ARHGEF26: variants seen among roughly 807,000 people sequenced by gnomAD.
ARHGEF26 encodes the protein Rho guanine nucleotide exchange factor 26.
In ARHGEF26, 59 loss-of-function variants were observed where a neutral mutation model predicts 89.4. That is an observed-to-expected ratio of 0.66 (90% confidence interval 0.54 to 0.82). The LOEUF is 0.82. Among genes scored for constraint, ARHGEF26 ranks in the 40% least tolerant of loss-of-function variants. The pLI, the probability that ARHGEF26 is intolerant of heterozygous loss-of-function variation, is 0.00. For synonymous variants in ARHGEF26, 500 were observed against 428.4 expected, an observed-to-expected ratio of 1.17 and a Z score of -2.06; for missense variants, 1,234 against 1,085.6, an observed-to-expected ratio of 1.14 and a Z score of -1.92.
chr3:154,203,686 C>T (rs2118240), intron 9 of ARHGEF26, among the ~76,000 whole-genome samples: 4,585 of 151,964 alleles, frequency 0.03, 405 homozygotes, highest in East Asian at 0.25. Context: ...GTTTTTAGCA[C>T]GAAGGGATGT....
In ARHGEF26 at chr3:154,238,326, A is replaced by G. The variant is rs536969408; in HGVS notation, c.2091-2044A>G. ...ACTTTGGAGATAATCGTGCCACACAATCTTTTAATTAATACAGATTACTAT... is the reference window on the plus strand; with the variant it reads ...ACTTTGGAGATAATCGTGCCACACAGTCTTTTAATTAATACAGATTACTAT... On this transcript the variant is annotated intron_variant, in intron 11 of 14. Coordinates refer to ENST00000465093, the MANE Select transcript of ARHGEF26 (RefSeq NM_015595.4). 7.8e-4 allele frequency among the ~76,000 whole-genome samples: 119 copies of G among 152,304 alleles called. 1 individual carries two copies. The highest frequency in any genetic ancestry group is 3.4e-3 in the Middle Eastern group (1 of 294).
chr3:154,127,783 A>G (rs1324277121), intron 3 of ARHGEF26, among the ~76,000 whole-genome samples: 2 of 141,294 alleles, frequency 1.4e-5, no homozygotes, highest in Non-Finnish European at 3.0e-5. Flanking sequence ...TTACACCAGC[A>G]TTACCATAGA....
intron 12 of ARHGEF26, among the ~76,000 whole-genome samples, chr3:154,247,627 A>C (rs1576827913): frequency 1.8e-5 from 2 of 114,124 alleles, no homozygotes; most frequent in South Asian, 6.0e-4. Context: ...GCTTTTCTCT[A>C]TCTGAGACAA....
chr3:154,203,719 C>G (rs1000947265), intron 9 of ARHGEF26, among the ~76,000 whole-genome samples: 11 of 151,952 alleles, frequency 7.2e-5, no homozygotes, highest in African/African-American at 2.7e-4. Flanking sequence ...AATGCTTTTT[C>G]TGCACAATTG....
chr3:154,135,709 C>A (rs148814176), intron 4 of ARHGEF26, among the ~76,000 whole-genome samples: 1 of 152,196 alleles, frequency 6.6e-6, no homozygotes, highest in Non-Finnish European at 1.5e-5. Flanking sequence ...AGGGATGGAA[C>A]ACTGTGTACT....
chr3:154,148,467 CCT>C (rs1389374528), intron 4 of ARHGEF26, among the ~76,000 whole-genome samples: 2 of 152,230 alleles, frequency 1.3e-5, no homozygotes, highest in African/African-American at 4.8e-5. Context: ...GTGGGTTTGC[CCT>C]CTCTTTTGAT....
At chr3:154,185,721 C>T (rs1713485076) in intron 6 of ARHGEF26, among the ~76,000 whole-genome samples, 1 of 152,148 alleles carries the variant, frequency 6.6e-6, no homozygotes, top group Non-Finnish European at 1.5e-5. Flanking sequence ...AAACTCTTCT[C>T]TTCTTATGAC....
Position 154,122,107 on chromosome 3 carries a change from TC to T in ARHGEF26, c.117del (p.Tyr40ThrfsTer8). Reference protein sequence around the residue: ...VLGRSKPRPQSYQSPNGLLIT... With the variant: ...VLGRSKPRPQXYQSPNGLLIT... ...GGGCCGGAGCAAGCCGAGGCCCCAG[TC>T]CTACCAGAGCCCCAACGGGTTACTA... On this transcript the variant is annotated frameshift_variant, in exon 2 of 15. Transcript: ENST00000465093. LOFTEE classifies it high-confidence loss of function. 2 of 1,610,522 alleles carry T rather than the reference TC, an allele frequency of 1.2e-6. No individual in the cohort carries two copies. Among genetic ancestry groups the T allele is most frequent in the Non-Finnish European group, 1.7e-6 (2 of 1,178,352 alleles).
Position 154,165,373 on chromosome 3 carries a change from G to A in ARHGEF26, c.1487+12441G>A, listed in dbSNP as rs996488074. 3.9e-5 allele frequency among the ~76,000 whole-genome samples: 6 copies of A among 152,182 alleles called. No individual in the cohort carries two copies. The East Asian group carries it at 5.8e-4, about 15-fold the overall frequency. ...ATTTTATTAATATTTCAGAGAGAGA[G>A]ACACTAAGTGATTTTCTGTTACTTA... On this transcript the variant is annotated intron_variant, in intron 6 of 14. Coordinates refer to ENST00000465093, the MANE Select transcript of ARHGEF26 (RefSeq NM_015595.4).
At chr3:154,183,973 C>CTTTT (rs145812193) in intron 6 of ARHGEF26, among the ~76,000 whole-genome samples, 1 of 131,112 alleles carries the variant, frequency 7.6e-6, no homozygotes, top group East Asian at 2.1e-4. Context: ...TTTCAATTTT[C>CTTTT]TTTCTTTTTT....
rs200722184 is a variant in ARHGEF26 at position 154,257,667 on chromosome 3, A to G, written c.*2194A>G. 1 of 1,896 alleles carries G rather than the reference A, an allele frequency of 5.3e-4. No homozygotes were observed. Among genetic ancestry groups the G allele is most frequent in the South Asian group, 0.071 (1 of 14 alleles). The allele number at this position is 1,896 out of a possible 1,614,324, so 0.1% of individuals were successfully genotyped here. ...TTGATTTCAACTGTGAATTGTCTTAAGTTTTTTCAAACCTAGTTGTTTCTA... is the reference window on the plus strand; with the variant it reads ...TTGATTTCAACTGTGAATTGTCTTAGGTTTTTTCAAACCTAGTTGTTTCTA... On this transcript the variant is annotated 3_prime_UTR_variant, in exon 15 of 15. Coordinates refer to ENST00000465093, the MANE Select transcript of ARHGEF26 (RefSeq NM_015595.4).
chr3:154,213,693 G>A (rs1715544391), intron 9 of ARHGEF26, among the ~76,000 whole-genome samples: 1 of 152,086 alleles, frequency 6.6e-6, no homozygotes, highest in Non-Finnish European at 1.5e-5. Context: ...CTAGCAGTTT[G>A]GGATGCTAAG....
At chr3:154,203,326 C>T (rs1714778493) in intron 9 of ARHGEF26, among the ~76,000 whole-genome samples, 2 of 152,192 alleles carry the variant, frequency 1.3e-5, no homozygotes, top group South Asian at 4.1e-4. Flanking sequence ...ATTGAACCAG[C>T]CCTGCATCCC....
chr3:154,171,731 TTG>T (rs1293863556), intron 6 of ARHGEF26, among the ~76,000 whole-genome samples: 1 of 151,992 alleles, frequency 6.6e-6, no homozygotes, highest in Non-Finnish European at 1.5e-5. Flanking sequence ...GGAGACATAT[TTG>T]GGAGTGGTTA....
chr3:154,185,183 C>T lies in ARHGEF26; in HGVS notation c.1488-2502C>T, dbSNP rs142956613. On this transcript the variant is annotated intron_variant, in intron 6 of 14. Coordinates refer to ENST00000465093, the MANE Select transcript of ARHGEF26 (RefSeq NM_015595.4). ...GTGTGAATTTTTTTTTTATACCAAC[C>T]GACTCTCTAACCCTTGAGACACCAA... Among the ~76,000 whole-genome samples the T allele has an allele frequency of 3.5e-4, 53 of 152,082 alleles. No homozygotes were observed. The East Asian group carries it at 6.8e-3, about 19-fold the overall frequency.
chr3:154,129,927 A>G (rs1718578296), intron 4 of ARHGEF26, among the ~76,000 whole-genome samples: 1 of 152,168 alleles, frequency 6.6e-6, no homozygotes. Context: ...TAGGTTTGAT[A>G]AAATAAAGTG....
chr3:154,249,682 C>T (rs1174146865), intron 12 of ARHGEF26, among the ~76,000 whole-genome samples: 1 of 152,082 alleles, frequency 6.6e-6, no homozygotes, highest in Non-Finnish European at 1.5e-5. Flanking sequence ...AGCCCAGGGC[C>T]TGTGCAAAGT....
chr3:154,210,462 C>G (rs534905996), intron 9 of ARHGEF26, among the ~76,000 whole-genome samples: 113 of 152,044 alleles, frequency 7.4e-4, no homozygotes, highest in African/African-American at 2.7e-3. Flanking sequence ...TACAGGCACT[C>G]ACCACCAAGC....
chr3:154,244,910 C>T lies in ARHGEF26; in HGVS notation c.2300+4331C>T, dbSNP rs1004030392. 9.6e-5 allele frequency among the ~76,000 whole-genome samples: 14 copies of T among 145,484 alleles called. No individual in the cohort carries two copies. In the Admixed American group the frequency reaches 1.0e-3, roughly 11 times the overall value. ...CAACCAGTAGGCTGTTCCACCCCCA[C>T]TTTGCTGCTCAGTTTGGCTTGTTCT... is the stretch of plus-strand genomic sequence containing the variant. On this transcript the variant is annotated intron_variant, in intron 12 of 14. Transcript: ENST00000465093.
Sources: allele counts gnomAD v4.1 joint callset (sites outside exome capture counted in the v4.1 genomes callset), GRCh38; gene constraint gnomAD v4.1.1; transcripts MANE v1.5; gene names NCBI Gene and HGNC (gene_info 2026-07-23, HGNC 2026-07-21).